The following SEMA5A variants were observed in gnomAD, a reference collection of about 807,000 sequenced individuals.
SEMA5A encodes the protein semaphorin 5A, also known as semaphorin-5A.
A neutral mutation model predicts 135.5 loss-of-function variants in SEMA5A; 55 were observed. The ratio of observed to expected loss-of-function variants is 0.41; its 90% CI spans 0.33 to 0.51. SEMA5A has a LOEUF of 0.51. Among genes scored for constraint, SEMA5A ranks in the 20% least tolerant of loss-of-function variants. The pLI is 0.37. For missense variants in SEMA5A, 1,290 were observed against 1,419.9 expected (o/e 0.91, Z 1.47); for synonymous variants, 580 against 546.5 (o/e 1.06, Z -0.85).
At chr5:9,357,066 G>C (rs567582901) in intron 3 of SEMA5A, among the ~76,000 whole-genome samples, 2 of 152,236 alleles carry the variant, frequency 1.3e-5, no homozygotes, top group East Asian at 1.9e-4. Flanking sequence ...GGCTTTGACT[G>C]TTTCCTACCT....
At chr5:9,397,619 C>A (rs1274370812) in intron 2 of SEMA5A, among the ~76,000 whole-genome samples, 4 of 152,046 alleles carry the variant, frequency 2.6e-5, no homozygotes, top group African/African-American at 9.7e-5. Flanking sequence ...TGCTTTGGGG[C>A]AATTGTTTTT....
At chr5:9,230,009 AG>A (rs1747533548) in intron 6 of SEMA5A, among the ~76,000 whole-genome samples, 1 of 152,112 alleles carries the variant, frequency 6.6e-6, no homozygotes, top group Non-Finnish European at 1.5e-5. Context: ...TTTTGAGACA[AG>A]GGTTCACTCT....
At chr5:9,080,226 G>A (rs1259561956) in intron 16 of SEMA5A, among the ~76,000 whole-genome samples, 1 of 152,106 alleles carries the variant, frequency 6.6e-6, no homozygotes, top group African/African-American at 2.4e-5. Context: ...CCATAAAAAA[G>A]GATGAGTTCA....
chr5:9,343,647 C>T (rs965344909), intron 3 of SEMA5A, among the ~76,000 whole-genome samples: 3 of 152,004 alleles, frequency 2.0e-5, no homozygotes, highest in African/African-American at 4.8e-5. Flanking sequence ...ATAAACCATC[C>T]TATCAATGAA....
chr5:9,054,168 T>G lies in SEMA5A; in HGVS notation c.2608A>C (p.Asn870His). 1 of 1,614,060 alleles carries G rather than the reference T, an allele frequency of 6.2e-7. No individual in the cohort carries two copies. Among genetic ancestry groups the G allele is most frequent in the South Asian group, 1.1e-5 (1 of 91,064 alleles). The change falls in exon 19 of 23, where the codon AAT becomes CAT. Residue 870 changes from asparagine to histidine, a missense_variant. This residue lies in a region of SEMA5A where 1,029 missense variants were observed against 1,086.6 expected (regional missense o/e 0.95). Transcript: ENST00000382496. ...GHYMRTRSCSNPAPAYGGDIC... is the reference protein window; with the variant it reads ...GHYMRTRSCSHPAPAYGGDIC... ...TCCCCTCCATAGGCCGGGGCTGGAT[T>G]GGAGCAAGAGCGGGTCCTCATATAG... is the stretch of plus-strand genomic sequence containing the variant.
At chr5:9,470,706 C>T (rs906970435) in intron 1 of SEMA5A, among the ~76,000 whole-genome samples, 2 of 152,162 alleles carry the variant, frequency 1.3e-5, no homozygotes, top group Admixed American at 6.5e-5. Flanking sequence ...TCTCTTATTT[C>T]CCTAACAGTG....
At chr5:9,294,719 A>C (rs556408040) in intron 5 of SEMA5A, among the ~76,000 whole-genome samples, 1 of 152,278 alleles carries the variant, frequency 6.6e-6, no homozygotes, top group Non-Finnish European at 1.5e-5. Flanking sequence ...CTTCCTTTAC[A>C]CTGAGAGGTC....
intron 16 of SEMA5A, among the ~76,000 whole-genome samples, chr5:9,107,877 T>C (rs1189252419): frequency 6.6e-6 from 1 of 152,112 alleles, no homozygotes; most frequent in Non-Finnish European, 1.5e-5. Context: ...ATGGGGAACA[T>C]CCAGTGTCTG....
At chr5:9,238,717 C>A (rs758739274) in intron 5 of SEMA5A, among the ~76,000 whole-genome samples, 6 of 149,396 alleles carry the variant, frequency 4.0e-5, no homozygotes, top group Non-Finnish European at 5.9e-5. Context: ...TTTCTCTTTT[C>A]TATCATTGTA....
At chr5:9,069,109 T>C (rs527268190) in intron 16 of SEMA5A, among the ~76,000 whole-genome samples, 2 of 152,336 alleles carry the variant, frequency 1.3e-5, no homozygotes, top group East Asian at 1.9e-4. Context: ...TTGTTTTGCA[T>C]GTACCAAAAG....
At chr5:9,455,097 G>T (rs1758781059) in intron 1 of SEMA5A, among the ~76,000 whole-genome samples, 1 of 152,074 alleles carries the variant, frequency 6.6e-6, no homozygotes, top group Non-Finnish European at 1.5e-5. Context: ...TAGGATTCAG[G>T]TACCAGAATT....
At position 9,197,264 on chromosome 5, in the gene SEMA5A, C is replaced by G. The variant is rs773623316; in HGVS notation, c.972G>C (p.Leu324=). 1.2e-6 allele frequency: 2 copies of G among 1,614,150 alleles called. No individual in the cohort carries two copies. Among genetic ancestry groups the G allele is most frequent in the Non-Finnish European group, 1.7e-6 (2 of 1,180,032 alleles). Residue 324 remains leucine (L), a synonymous_variant, in exon 10 of 23, where the codon CTG becomes CTC. Coordinates refer to ENST00000382496, the MANE Select transcript of SEMA5A (RefSeq NM_003966.3). ...IAASAVCVFN[L]SAIAQAFSGP... is the part of the protein sequence containing the mutation. ...CAGAGAAGGCCTGCGCGATGGCGCT[C>G]AGGTTGAAGACGCACACAGCTGAGG...
chr5:9,347,449 A>G (rs140664219), intron 3 of SEMA5A, among the ~76,000 whole-genome samples: 8 of 152,310 alleles, frequency 5.3e-5, no homozygotes, highest in Admixed American at 2.6e-4. Context: ...TGTCTCAGAA[A>G]CCAAAAAGCT....
At chr5:9,118,386 C>A (rs1480069253) in intron 15 of SEMA5A, among the ~76,000 whole-genome samples, 1 of 152,126 alleles carries the variant, frequency 6.6e-6, no homozygotes, top group Non-Finnish European at 1.5e-5. Flanking sequence ...AGCCTGAAAC[C>A]AAATGTCTAA....
intron 3 of SEMA5A, among the ~76,000 whole-genome samples, chr5:9,340,233 ACTGC>A: frequency 6.6e-6 from 1 of 152,278 alleles, no homozygotes; most frequent in Non-Finnish European, 1.5e-5. Context: ...ACCAGGGAGC[ACTGC>A]CAGGACCAGG....
Position 9,262,928 on chromosome 5 carries a change from A to G in SEMA5A, c.271-25038T>C, listed in dbSNP as rs138336594. Among the ~76,000 whole-genome samples the G allele has an allele frequency of 4.7e-5, 7 of 148,716 alleles. 1 individual carries two copies. Among genetic ancestry groups the G allele is most frequent in the African/African-American group, 9.8e-5 (4 of 40,978 alleles). On this transcript the variant is annotated intron_variant, in intron 5 of 22. Coordinates refer to ENST00000382496, the MANE Select transcript of SEMA5A (RefSeq NM_003966.3). ...AAAAAATTAAAAAAAAAAAGAAAAT[A>G]TATTTCTTATAAAATAAAATATTTT... is the stretch of plus-strand genomic sequence containing the variant.
At chr5:9,465,705 CAG>C (rs1240330513) in intron 1 of SEMA5A, among the ~76,000 whole-genome samples, 1 of 152,232 alleles carries the variant, frequency 6.6e-6, no homozygotes, top group Non-Finnish European at 1.5e-5. Context: ...TGAGCATCCA[CAG>C]AGTTTGGTAT....
intron 5 of SEMA5A, among the ~76,000 whole-genome samples, chr5:9,281,127 T>A (rs944842595): frequency 6.6e-6 from 1 of 152,220 alleles, no homozygotes; most frequent in African/African-American, 2.4e-5. Context: ...TAATATTTAA[T>A]GATCCTGGTA....
intron 11 of SEMA5A, among the ~76,000 whole-genome samples, chr5:9,162,560 G>GTATA (rs760785096): frequency 3.2e-4 from 9 of 28,022 alleles, no homozygotes; most frequent in South Asian, 9.8e-4. Flanking sequence ...ATGTGTGTGT[G>GTATA]TGTGTATATA....
Sources: allele counts gnomAD v4.1 joint callset (sites outside exome capture counted in the v4.1 genomes callset), GRCh38; gene constraint gnomAD v4.1.1; regional missense constraint gnomAD v4.1.1; transcripts MANE v1.5; gene names NCBI Gene and HGNC (gene_info 2026-07-23, HGNC 2026-07-21).